KAT6A: variants seen among roughly 807,000 people sequenced by gnomAD.
KAT6A encodes histone acetyltransferase KAT6A.
A neutral mutation model predicts 198.4 loss-of-function variants in KAT6A; 9 were observed. The observed-to-expected ratio is 0.05, with a 90% confidence interval of 0.03 to 0.08. The LOEUF is 0.08. KAT6A is among the 10% of genes least tolerant of loss of function. The probability of loss-of-function intolerance (pLI) is 1.00; values close to 1 mark genes in which losing one functional copy is unlikely to be tolerated. For synonymous variants in KAT6A, 890 were observed against 883.0 expected (o/e 1.01, Z -0.14); for missense variants, 2,077 against 2,509.9 (o/e 0.83, Z 3.69).
chr8:41,982,048 T>TA, intron 3 of KAT6A, 94 bp from the exon 4 acceptor site: 1 of 722,306 alleles, frequency 1.4e-6, no homozygotes, highest in Non-Finnish European at 2.5e-6. Context: ...GCAATCATCT[T>TA]AAATACAAAA....
intron 2 of KAT6A, among the ~76,000 whole-genome samples, chr8:42,009,138 T>C (rs1380148911): frequency 1.3e-5 from 2 of 152,164 alleles, no homozygotes; most frequent in South Asian, 2.1e-4. Flanking sequence ...AGTGAGAACA[T>C]TGCATATAAA....
At position 41,932,648 on chromosome 8, in the gene KAT6A, G is replaced by A. The variant is rs374807145; in HGVS notation, c.5572C>T (p.Arg1858Cys). ...GAGGGCAGTGGCGCAGACTTGGAGCGGATGGAAATGTGCCCCTTCACTGGC... is the reference window on the plus strand; with the variant it reads ...GAGGGCAGTGGCGCAGACTTGGAGCAGATGGAAATGTGCCCCTTCACTGGC... ...QMPVKGHISI[R>C]SKSAPLPSAA... The change falls in exon 17 of 17, where the codon CGC becomes TGC. Residue 1858 changes from arginine to cysteine, a missense_variant. Arg to Cys is a radical substitution (Grantham distance 180). Transcript: ENST00000265713. 70 of 1,614,210 alleles carry A rather than the reference G, an allele frequency of 4.3e-5. No individual in the cohort carries two copies. The highest frequency in any genetic ancestry group is 3.3e-5 in the South Asian group (3 of 91,082).
At chr8:41,949,833 C>A (rs1234735480) in intron 9 of KAT6A, among the ~76,000 whole-genome samples, 1 of 152,152 alleles carries the variant, frequency 6.6e-6, no homozygotes, top group Non-Finnish European at 1.5e-5. Context: ...GGATTTCGTG[C>A]TCAAATAAGG....
intron 2 of KAT6A, among the ~76,000 whole-genome samples, chr8:42,001,547 G>A (rs1435264356): frequency 6.6e-6 from 1 of 152,088 alleles, no homozygotes; most frequent in East Asian, 1.9e-4. Context: ...GAAACTTGCA[G>A]CCCACTAAAA....
chr8:41,942,778 T>C lies in KAT6A; in HGVS notation c.2436+15A>G, dbSNP rs1460242914. ...ATCTTCTGTCATCAAAAATAGAGAC[T>C]ATTCATGCCCTTACACTGATCTCTA... On this transcript the variant is annotated intron_variant, in intron 14 of 16. Coordinates refer to ENST00000265713, the MANE Select transcript of KAT6A (RefSeq NM_006766.5). 6.2e-7 allele frequency: 1 copy of C among 1,611,214 alleles called. No individual in the cohort carries two copies. The highest frequency in any genetic ancestry group is 8.5e-7 in the Non-Finnish European group (1 of 1,178,862).
chr8:42,002,454 G>A (rs1209715661), intron 2 of KAT6A, among the ~76,000 whole-genome samples: 1 of 152,078 alleles, frequency 6.6e-6, no homozygotes. Context: ...CCAGCTACTC[G>A]GGAGGCTGAA....
At chr8:42,041,243 C>A (rs1827653695) in intron 2 of KAT6A, among the ~76,000 whole-genome samples, 1 of 148,802 alleles carries the variant, frequency 6.7e-6, no homozygotes, top group Admixed American at 6.7e-5. Flanking sequence ...TAAACAGATA[C>A]TATTTTACAA....
chr8:41,965,698 AC>A (rs1823440915), intron 8 of KAT6A, among the ~76,000 whole-genome samples: 1 of 152,318 alleles, frequency 6.6e-6, no homozygotes, highest in African/African-American at 2.4e-5. Context: ...TTGAGATAAG[AC>A]AGGGTGGAAC....
rs545504920 is a variant in KAT6A at position 42,036,552 on chromosome 8, G to A, written c.600+11826C>T. On this transcript the variant is annotated intron_variant, in intron 2 of 16. Coordinates refer to ENST00000265713, the MANE Select transcript of KAT6A (RefSeq NM_006766.5). Reference sequence around the variant, plus strand: ...CGCTTGAACCCAGGAGATGGAGGTTGCAGTGAGCAGAGATCGCACCACTGC... The same window carrying A: ...CGCTTGAACCCAGGAGATGGAGGTTACAGTGAGCAGAGATCGCACCACTGC... 6.0e-4 allele frequency among the ~76,000 whole-genome samples: 92 copies of A among 152,260 alleles called. No individual in the cohort carries two copies. In the Middle Eastern group the frequency reaches 0.014, roughly 23 times the overall value.
Position 41,954,920 on chromosome 8 carries a change from T to C in KAT6A, c.1598+376A>G, listed in dbSNP as rs537072529. On this transcript the variant is annotated intron_variant, in intron 9 of 16. Coordinates refer to ENST00000265713, the MANE Select transcript of KAT6A (RefSeq NM_006766.5). The stretch of plus-strand genomic sequence containing the variant: ...TTAAGTTTGTCAAATTATAAATATT[T>C]ATTTACATCAAAGACTAATCAACTG... Among the ~76,000 whole-genome samples the C allele has an allele frequency of 6.6e-5, 10 of 152,336 alleles. No individual in the cohort carries two copies. The East Asian group carries it at 1.9e-3, about 29-fold the overall frequency.
chr8:42,029,753 T>C lies in KAT6A; in HGVS notation c.600+18625A>G, dbSNP rs779320231. Among the ~76,000 whole-genome samples, 246 of 151,988 alleles carry C rather than the reference T, an allele frequency of 1.6e-3. 1 individual carries two copies. Among genetic ancestry groups the C allele is most frequent in the Non-Finnish European group, 3.0e-3 (203 of 67,946 alleles). On this transcript the variant is annotated intron_variant, in intron 2 of 16. Transcript: ENST00000265713. ...GATTGATTACAGGCATGAGCCACCA[T>C]GACCACCTCAATTATAGCTTTTATT... is the stretch of plus-strand genomic sequence containing the variant.
intron 1 of KAT6A, among the ~76,000 whole-genome samples, chr8:42,051,292 C>T (rs1802620374): frequency 6.6e-6 from 1 of 151,912 alleles, no homozygotes; most frequent in South Asian, 2.1e-4. Context: ...AGACACAACA[C>T]CACACGTGCT....
At position 41,933,075 on chromosome 8, in the gene KAT6A, AGGAGCT is replaced by A. The variant is rs759883726; in HGVS notation, c.5139_5144del (p.Ala1714_Pro1715del). 2 of 1,544,250 alleles carry A rather than the reference AGGAGCT, an allele frequency of 1.3e-6. No individual in the cohort carries two copies. Among genetic ancestry groups the A allele is most frequent in the Middle Eastern group, 1.8e-4 (1 of 5,710 alleles). On this transcript the variant is annotated inframe_deletion, in exon 17 of 17. Transcript: ENST00000265713. This position sits in a 1 kb window ranked among gnomAD's most constrained non-coding sequence, Gnocchi z 6.2. ...CAGATTCTGGTATCTCCATGATCATAGGAGCTGGGGTGAAACTGTTATTCATACTAC... is the reference window on the plus strand; with the variant it reads ...CAGATTCTGGTATCTCCATGATCATAGGGGTGAAACTGTTATTCATACTAC...
At chr8:41,967,264 TA>T (rs374118082) in intron 8 of KAT6A, among the ~76,000 whole-genome samples, 5 of 145,248 alleles carry the variant, frequency 3.4e-5, no homozygotes, top group East Asian at 2.0e-4. Context: ...TTTCTTTTTT[TA>T]AAAAAAAAAA....
At chr8:41,975,340 T>C (rs1823998762) in intron 7 of KAT6A, among the ~76,000 whole-genome samples, 1 of 152,088 alleles carries the variant, frequency 6.6e-6, no homozygotes, top group South Asian at 2.1e-4. Context: ...TCTGGGTAAA[T>C]ATGAAAACGT....
At chr8:41,964,889 T>TGAG (rs1422037349) in intron 8 of KAT6A, among the ~76,000 whole-genome samples, 1 of 152,100 alleles carries the variant, frequency 6.6e-6, no homozygotes. Flanking sequence ...CTGATGATGA[T>TGAG]GAGGAGGAGG....
At chr8:42,004,735 G>A (rs1825655023) in intron 2 of KAT6A, among the ~76,000 whole-genome samples, 1 of 152,112 alleles carries the variant, frequency 6.6e-6, no homozygotes. Context: ...AGAGCAGCCT[G>A]GCCAACATGG....
chr8:41,945,437 AT>A (rs1361464074), intron 12 of KAT6A, among the ~76,000 whole-genome samples: 2 of 151,552 alleles, frequency 1.3e-5, no homozygotes, highest in Non-Finnish European at 2.9e-5. Flanking sequence ...CACCCAGCTA[AT>A]TTTTTGTATT....
At chr8:41,979,696 G>C (rs186021082) in intron 5 of KAT6A, among the ~76,000 whole-genome samples, 22 of 151,984 alleles carry the variant, frequency 1.4e-4, no homozygotes, top group Non-Finnish European at 2.9e-5. Flanking sequence ...GTTTCAAAAA[G>C]TAACAATCAG....
Sources: allele counts gnomAD v4.1 joint callset (sites outside exome capture counted in the v4.1 genomes callset), GRCh38; gene constraint gnomAD v4.1.1; non-coding constraint Gnocchi (gnomAD v3.1); transcripts MANE v1.5; gene names NCBI Gene and HGNC (gene_info 2026-07-23, HGNC 2026-07-21).